INPP5D: variants seen among roughly 807,000 people sequenced by gnomAD.
INPP5D encodes the protein phosphatidylinositol 3,4,5-trisphosphate 5-phosphatase 1.
In INPP5D, 33 loss-of-function variants were observed where a neutral mutation model predicts 122.9. The observed-to-expected ratio is 0.27, with a 90% CI of 0.20 to 0.36. The LOEUF is 0.36. Among genes scored for constraint, INPP5D ranks in the 10% least tolerant of loss-of-function variants. The pLI is 1.00. For missense variants in INPP5D, 1,053 were observed against 1,412.7 expected (o/e 0.75, Z 4.08); for synonymous variants, 584 against 576.2 (o/e 1.01, Z -0.19).
At chr2:233,137,847 AAAAAAAATATATATATATAT>A (rs1693511858) in intron 5 of INPP5D, among the ~76,000 whole-genome samples, 1 of 15,920 alleles carries the variant, frequency 6.3e-5, no homozygotes, top group Non-Finnish European at 1.6e-4. Flanking sequence ...AAAAAAAAAA[AAAAAAAATATATATATATAT>A]ATATATATAT....
At chr2:233,096,845 G>A (rs1285539020) in intron 2 of INPP5D, among the ~76,000 whole-genome samples, 1 of 151,982 alleles carries the variant, frequency 6.6e-6, no homozygotes, top group Non-Finnish European at 1.5e-5. Flanking sequence ...AGCCTGCAAT[G>A]TTTTTAAACA....
rs1462922353 is a variant in INPP5D, at chr2:233,204,887, T to C, written c.3567+170T>C. 4.3e-6 allele frequency: 5 copies of C among 1,164,022 alleles called. No individual in the cohort carries two copies. The African/African-American group carries it at 8.0e-5, about 19-fold the overall frequency. The allele number at this position is 1,164,022 out of a possible 1,614,324, so 72.1% of individuals were successfully genotyped here. A position where few individuals can be genotyped will look rare whatever the true frequency, so the allele number is the denominator to read the frequency against. ...ACATGCGAGTGATGGTCCTGGGAACTGCTCCATGAGAAGGGAGAGTCAGGA... is the reference window on the plus strand; with the variant it reads ...ACATGCGAGTGATGGTCCTGGGAACCGCTCCATGAGAAGGGAGAGTCAGGA... On this transcript the variant is annotated intron_variant, in intron 26 of 26. Coordinates refer to ENST00000445964, the MANE Select transcript of INPP5D (RefSeq NM_001017915.3).
intron 9 of INPP5D, among the ~76,000 whole-genome samples, chr2:233,148,783 C>A (rs1226797878): frequency 6.6e-6 from 1 of 151,984 alleles, no homozygotes; most frequent in Non-Finnish European, 1.5e-5. Context: ...AACCTTCACA[C>A]AACAGTTTGC....
At chr2:233,077,284 G>T (rs1205890800) in intron 1 of INPP5D, among the ~76,000 whole-genome samples, 2 of 152,210 alleles carry the variant, frequency 1.3e-5, no homozygotes, top group Non-Finnish European at 2.9e-5. Context: ...GCTCATGGGA[G>T]TGGGGAAGGA....
rs184603411 is a variant in INPP5D at position 233,169,238 on chromosome 2, G to A, written c.1556-67G>A. 267 of 1,547,638 alleles carry A rather than the reference G, an allele frequency of 1.7e-4. 2 individuals carry two copies. In the African/African-American group the frequency reaches 3.1e-3, roughly 18 times the overall value. On this transcript the variant is annotated intron_variant, in intron 13 of 26. Transcript: ENST00000445964. ...TGCCCCTCTCACCCTGCCTTCGGGTGATTTCTGGCCCCTTGGCAAGTGTGT... is the reference window on the plus strand; with the variant it reads ...TGCCCCTCTCACCCTGCCTTCGGGTAATTTCTGGCCCCTTGGCAAGTGTGT...
intron 2 of INPP5D, among the ~76,000 whole-genome samples, chr2:233,095,765 C>T (rs556101992): frequency 5.9e-5 from 9 of 151,456 alleles, no homozygotes; most frequent in African/African-American, 2.2e-4. Context: ...AAAATTAAAA[C>T]AGTACCAAAG....
chr2:233,085,441 G>A (rs1482014705), intron 2 of INPP5D, among the ~76,000 whole-genome samples: 2 of 151,782 alleles, frequency 1.3e-5, no homozygotes, highest in Non-Finnish European at 2.9e-5. Flanking sequence ...AAAATCCAAG[G>A]CCAAACTTGT....
intron 2 of INPP5D, among the ~76,000 whole-genome samples, chr2:233,102,300 A>G (rs1323709751): frequency 6.6e-6 from 1 of 152,124 alleles, no homozygotes; most frequent in East Asian, 1.9e-4. Flanking sequence ...GTGTTACCCC[A>G]TGATGCTGTA....
At chr2:233,169,852 TG>T in intron 14 of INPP5D, 173 bp from the exon 15 acceptor site, 2 of 1,251,244 alleles carry the variant, frequency 1.6e-6, no homozygotes, top group African/African-American at 1.5e-5. Flanking sequence ...GCATCCTGGC[TG>T]TGCCATATTT....
At chr2:233,123,452 CA>C (rs34144613) in intron 3 of INPP5D, among the ~76,000 whole-genome samples, 1,530 of 117,680 alleles carry the variant, frequency 0.013, 15 homozygotes, top group Middle Eastern at 0.034. Flanking sequence ...GACTCCGTCT[CA>C]AAAAAAAAAA....
At chr2:233,090,127 C>T (rs1574716868) in intron 2 of INPP5D, among the ~76,000 whole-genome samples, 1 of 152,212 alleles carries the variant, frequency 6.6e-6, no homozygotes, top group Non-Finnish European at 1.5e-5. Flanking sequence ...ACAGAGGATG[C>T]GTCGCCATCC....
At chr2:233,098,348 C>T (rs1044729379) in intron 2 of INPP5D, among the ~76,000 whole-genome samples, 15 of 152,166 alleles carry the variant, frequency 9.9e-5, no homozygotes, top group Non-Finnish European at 4.4e-5. Flanking sequence ...GAAAACTTAG[C>T]CAGTGGTGAG....
chr2:233,113,963 T>G (rs905974158), intron 2 of INPP5D, among the ~76,000 whole-genome samples: 2 of 139,516 alleles, frequency 1.4e-5, no homozygotes, highest in Admixed American at 1.5e-4. Context: ...CTGGATGGAG[T>G]GCAGTGGCGC....
chr2:233,075,539 A>G, intron 1 of INPP5D, among the ~76,000 whole-genome samples: 1 of 152,016 alleles, frequency 6.6e-6, no homozygotes. Context: ...ACATACACAC[A>G]TGCATGCATG....
At chr2:233,202,245 G>T (rs1438458039) in intron 25 of INPP5D, among the ~76,000 whole-genome samples, 8 of 152,206 alleles carry the variant, frequency 5.3e-5, no homozygotes, top group African/African-American at 1.9e-4. Context: ...GACCATGCCA[G>T]TTGCACCCTC....
In INPP5D at chr2:233,170,339, C is replaced by T; in HGVS notation, c.1792-157C>T. 6.7e-7 allele frequency: 1 copy of T among 1,483,886 alleles called. No homozygotes were observed. Among genetic ancestry groups the T allele is most frequent in the South Asian group, 1.3e-5 (1 of 74,298 alleles). The allele number at this position is 1,483,886 out of a possible 1,614,324, so 91.9% of individuals were successfully genotyped here. A position where few individuals can be genotyped will look rare whatever the true frequency, so the allele number is the denominator to read the frequency against. On this transcript the variant is annotated intron_variant, in intron 15 of 26. Transcript: ENST00000445964. This position sits in a 1 kb window ranked among gnomAD's most constrained non-coding sequence, Gnocchi z 4.5. ...GAGCCTCAGCCGCTCCTCACGGTTC[C>T]CCTGTGCTCACACCCGGTTCCCATA...
intron 9 of INPP5D, among the ~76,000 whole-genome samples, chr2:233,148,425 C>T (rs771115109): frequency 6.7e-4 from 102 of 152,238 alleles, no homozygotes; most frequent in Non-Finnish European, 1.1e-3. Flanking sequence ...GGCACATTGG[C>T]GGAGACCCCG....
intron 1 of INPP5D, among the ~76,000 whole-genome samples, chr2:233,079,067 C>G (rs1369482482): frequency 6.6e-6 from 1 of 152,124 alleles, no homozygotes; most frequent in African/African-American, 2.4e-5. Flanking sequence ...AGATCAGATC[C>G]TTTAGCTGCC....
At chr2:233,196,841 C>T (rs1321602380) in intron 24 of INPP5D, among the ~76,000 whole-genome samples, 1 of 152,100 alleles carries the variant, frequency 6.6e-6, no homozygotes, top group Non-Finnish European at 1.5e-5. Context: ...CCCTTGCCCT[C>T]ACCCCAGCCA....
Sources: allele counts gnomAD v4.1 joint callset (sites outside exome capture counted in the v4.1 genomes callset), GRCh38; gene constraint gnomAD v4.1.1; non-coding constraint Gnocchi (gnomAD v3.1); transcripts MANE v1.5; gene names NCBI Gene and HGNC (gene_info 2026-07-23, HGNC 2026-07-21).